HOMER2: variants seen among roughly 807,000 people sequenced by gnomAD.
HOMER2 encodes homer scaffold protein 2.
In HOMER2, 27 loss-of-function variants were observed where a neutral mutation model predicts 47.0. The observed-to-expected ratio is 0.57, with a 90% CI of 0.42 to 0.79. HOMER2 has a LOEUF of 0.79. Among genes scored for constraint, HOMER2 ranks in the 30% least tolerant of loss-of-function variants. HOMER2 has a pLI of 0.00. For synonymous variants in HOMER2, 161 were observed against 163.8 expected (o/e 0.98, Z 0.13); for missense variants, 443 against 435.0 (o/e 1.02, Z -0.16).
rs541047534 is a variant in HOMER2, at chr15:82,863,124, G to A, written c.387+1043C>T. ...GGCTGATGGTCAAGTCTAGAGCATC[G>A]ATCTTGACTGCTCAAGATGCCCAGG... On this transcript the variant is annotated intron_variant, in intron 4 of 8. Coordinates refer to ENST00000450735, the MANE Select transcript of HOMER2 (RefSeq NM_004839.4). Among the ~76,000 whole-genome samples, 14 of 151,974 alleles carry A rather than the reference G, an allele frequency of 9.2e-5. No homozygotes were observed. In the East Asian group the frequency reaches 1.2e-3, roughly 13 times the overall value.
chr15:82,971,418 A>G (rs2029984473), intron 1 of HOMER2, among the ~76,000 whole-genome samples: 1 of 149,658 alleles, frequency 6.7e-6, no homozygotes, highest in Non-Finnish European at 1.5e-5. Context: ...AGATACATAC[A>G]CACACACACA....
chr15:82,852,047 C>A, intron 7 of HOMER2, 95 bp downstream of exon 7: 2 of 772,706 alleles, frequency 2.6e-6, no homozygotes, highest in Non-Finnish European at 4.3e-6. Context: ...CAGGCAGCTG[C>A]CAGGGCCAGT....
chr15:82,920,607 A>G (rs1290855201), intron 1 of HOMER2, among the ~76,000 whole-genome samples: 1 of 152,160 alleles, frequency 6.6e-6, no homozygotes, highest in Non-Finnish European at 1.5e-5. Flanking sequence ...CTCTGCAGAG[A>G]TCCTCACATC....
intron 5 of HOMER2, among the ~76,000 whole-genome samples, chr15:82,855,325 C>CAAAA (rs1162254209): frequency 0.15 from 9,530 of 61,506 alleles, 1,420 homozygotes; most frequent in East Asian, 0.24. Flanking sequence ...ACTCCATCTC[C>CAAAA]AAAAAAAAAA....
intron 1 of HOMER2, among the ~76,000 whole-genome samples, chr15:82,943,888 C>T (rs755706892): frequency 3.9e-5 from 6 of 152,190 alleles, no homozygotes; most frequent in Non-Finnish European, 7.3e-5. Context: ...CACTTGTGTA[C>T]TCAAGAGCTT....
intron 3 of HOMER2, among the ~76,000 whole-genome samples, chr15:82,866,607 A>G (rs758680631): frequency 6.6e-6 from 1 of 152,222 alleles, no homozygotes; most frequent in Non-Finnish European, 1.5e-5. Context: ...TGTAACTCCC[A>G]CAATTCCCAC....
At chr15:82,953,361 C>T (rs1341594875), upstream of HOMER2, among the ~76,000 whole-genome samples, 6 of 152,120 alleles carry the variant, frequency 3.9e-5, no homozygotes, top group African/African-American at 1.2e-4. Flanking sequence ...CTTCATCAAG[C>T]TTGGTTTTAT....
chr15:82,928,749 A>C, intron 1 of HOMER2, among the ~76,000 whole-genome samples: 1 of 151,698 alleles, frequency 6.6e-6, no homozygotes, highest in Non-Finnish European at 1.5e-5. Flanking sequence ...AGTCAGTCTC[A>C]CCTCTCACCT....
chr15:82,952,607 C>A lies in HOMER2; in HGVS notation c.-72G>T. The A allele has an allele frequency of 9.1e-7, 1 of 1,098,124 alleles. No individual in the cohort carries two copies. The highest frequency in any genetic ancestry group is 4.3e-5 in the South Asian group (1 of 23,140). The allele number at this position is 1,098,124 out of a possible 1,614,324, so 68.0% of individuals were successfully genotyped here. A position where few individuals can be genotyped will look rare whatever the true frequency, so the allele number is the denominator to read the frequency against. On this transcript the variant is annotated 5_prime_UTR_variant, in exon 1 of 9. Transcript: ENST00000450735. ...GCTCTCCGCCCGCTCGGCAGCCGCT[C>A]CCCGCGCGGCACATGCGGCGGCCCG...
Position 82,854,729 on chromosome 15 carries a change from G to A in HOMER2, c.566C>T (p.Ala189Val). 6.2e-7 allele frequency: 1 copy of A among 1,612,706 alleles called. No individual in the cohort carries two copies. The highest frequency in any genetic ancestry group is 1.1e-5 in the South Asian group (1 of 91,078). The change falls in exon 6 of 9, where the codon GCA becomes GTA. Residue 189 changes from alanine to valine, a missense_variant. Coordinates refer to ENST00000450735, the MANE Select transcript of HOMER2 (RefSeq NM_004839.4). ...LRESNARLTT[A>V]LQESAASVEQ... is the part of the protein sequence containing the mutation. The stretch of plus-strand genomic sequence containing the variant: ...CACACTGGCTGCCGACTCCTGCAGT[G>A]CTGTGGTCAGCCGTGCATTGCTCTC...
intron 1 of HOMER2, among the ~76,000 whole-genome samples, chr15:82,934,142 G>A (rs969470570): frequency 1.2e-4 from 19 of 152,102 alleles, no homozygotes; most frequent in Non-Finnish European, 2.1e-4. Flanking sequence ...CACATATGCA[G>A]AACAGAAAGG....
intron 2 of HOMER2, among the ~76,000 whole-genome samples, chr15:82,876,436 C>T (rs990356928): frequency 2.0e-5 from 3 of 152,104 alleles, no homozygotes; most frequent in Non-Finnish European, 4.4e-5. Context: ...GGCAAGTAGT[C>T]AGGAAGAGGG....
intron 1 of HOMER2, among the ~76,000 whole-genome samples, chr15:82,901,655 C>CT (rs1470890099): frequency 6.6e-6 from 1 of 152,174 alleles, no homozygotes; most frequent in Non-Finnish European, 1.5e-5. Flanking sequence ...GAGATGAGGT[C>CT]TCAGGGAGGG....
intron 1 of HOMER2, among the ~76,000 whole-genome samples, chr15:82,903,631 C>T (rs933100126): frequency 6.6e-6 from 1 of 151,316 alleles, no homozygotes; most frequent in Non-Finnish European, 1.5e-5. Context: ...CACACACACA[C>T]ACACGGCAAC....
At chr15:82,849,956 C>T in intron 8 of HOMER2, 53 bp from the exon 9 acceptor site, 1 of 1,558,198 alleles carries the variant, frequency 6.4e-7, no homozygotes, top group Non-Finnish European at 8.8e-7. Flanking sequence ...GAGAGTCATC[C>T]TTCAAAACCT....
chr15:82,939,906 T>G lies in HOMER2; in HGVS notation c.5+12625A>C, dbSNP rs187254403. Among the ~76,000 whole-genome samples, 33 of 152,276 alleles carry G rather than the reference T, an allele frequency of 2.2e-4. No individual in the cohort carries two copies. The East Asian group carries it at 6.2e-3, about 29-fold the overall frequency. On this transcript the variant is annotated intron_variant, in intron 1 of 8. Transcript: ENST00000450735. ...GCAGCAATAAAAAAGGATGAGTTCA[T>G]GTCCTTTGTAGGGACATGAATGAAG...
exon 2 of HOMER2, chr15:82,842,028 A>G (rs1302472855): frequency 6.6e-6 from 1 of 152,236 alleles, no homozygotes; most frequent in African/African-American, 2.4e-5. Flanking sequence ...TTTTTAAATA[A>G]TGTTTACACT....
chr15:82,968,496 C>T (rs868498050), intron 1 of HOMER2, among the ~76,000 whole-genome samples: 17 of 152,174 alleles, frequency 1.1e-4, no homozygotes, highest in Admixed American at 3.3e-4. Context: ...GAAAAGTCTC[C>T]GTCTCACCCC....
At chr15:82,980,284 C>A (rs1276988192) in intron 1 of HOMER2, among the ~76,000 whole-genome samples, 1 of 152,102 alleles carries the variant, frequency 6.6e-6, no homozygotes, top group African/African-American at 2.4e-5. Flanking sequence ...GGTCCATACA[C>A]CCCACAAGAC....
Sources: gnomAD v4.1 joint callset for allele counts (sites outside exome capture counted in the v4.1 genomes callset) on GRCh38, gnomAD v4.1.1 for gene constraint, MANE v1.5 for transcripts, NCBI Gene and HGNC (gene_info 2026-07-23, HGNC 2026-07-21) for gene names.